Variants in NDUFB4 observed in about 807,000 individuals in gnomAD.
NDUFB4 encodes NADH:ubiquinone oxidoreductase subunit B4, also known as NADH dehydrogenase [ubiquinone] 1 beta subcomplex subunit 4.
In NDUFB4, 10 loss-of-function variants were observed where a neutral mutation model predicts 14.5. That is an observed-to-expected ratio of 0.69 (90% CI 0.43 to 1.17). The LOEUF is 1.17. Among genes scored for constraint, NDUFB4 ranks in the 50% most tolerant of loss-of-function variants. NDUFB4 has a pLI of 0.00. For missense variants in NDUFB4, 165 were observed against 161.1 expected, an observed-to-expected ratio of 1.02 and a Z score of -0.13; for synonymous variants, 65 against 63.4, an observed-to-expected ratio of 1.03 and a Z score of -0.12.
chr3:120,600,069 TCA>T (rs1940030974), intron 1 of NDUFB4, among the ~76,000 whole-genome samples: 1 of 146,824 alleles, frequency 6.8e-6, no homozygotes. Context: ...TTGAGGAATT[TCA>T]GTCTGATTAA....
chr3:120,597,633 T>C (rs917593323), intron 1 of NDUFB4, among the ~76,000 whole-genome samples: 1 of 152,244 alleles, frequency 6.6e-6, no homozygotes, highest in Non-Finnish European at 1.5e-5. Context: ...ATTTTACAGA[T>C]GAGAAGACAA....
chr3:120,600,029 C>CT lies in NDUFB4; in HGVS notation c.181-1079dup, dbSNP rs929363845. On this transcript the variant is annotated intron_variant, in intron 1 of 2. Coordinates refer to ENST00000184266, the MANE Select transcript of NDUFB4 (RefSeq NM_004547.6). The stretch of plus-strand genomic sequence containing the variant: ...TAGAACAGCAGAAGATATTTTGGGA[C>CT]TTTGTATCTAGTAGTGAGTGCTTAC... Among the ~76,000 whole-genome samples the CT allele has an allele frequency of 3.4e-4, 50 of 147,778 alleles. 1 individual carries two copies. The highest frequency in any genetic ancestry group is 1.2e-3 in the African/African-American group (49 of 40,420).
chr3:120,601,297 G>T, intron 2 of NDUFB4, 40 bp downstream of exon 2: 2 of 1,610,098 alleles, frequency 1.2e-6, no homozygotes, highest in South Asian at 2.2e-5. Context: ...TGAGTGATAG[G>T]TTCACTTTCT....
At chr3:120,598,319 G>C (rs113367574) in intron 1 of NDUFB4, among the ~76,000 whole-genome samples, 1,592 of 152,184 alleles carry the variant, frequency 0.01, 24 homozygotes, top group African/African-American at 0.037. Context: ...CTCTCAGAGT[G>C]CTGGGATTAC....
chr3:120,597,174 G>A (rs921768820), intron 1 of NDUFB4, among the ~76,000 whole-genome samples: 1 of 151,390 alleles, frequency 6.6e-6, no homozygotes. Context: ...CCTTCAACCT[G>A]CATCTTTTAA....
chr3:120,596,884 A>G (rs1260740091), intron 1 of NDUFB4, among the ~76,000 whole-genome samples: 1 of 151,276 alleles, frequency 6.6e-6, no homozygotes, highest in Non-Finnish European at 1.5e-5. Flanking sequence ...GAGATAGAGT[A>G]TGTGACTGTC....
At chr3:120,598,468 C>G (rs1165154475) in intron 1 of NDUFB4, among the ~76,000 whole-genome samples, 1 of 152,052 alleles carries the variant, frequency 6.6e-6, no homozygotes, top group Non-Finnish European at 1.5e-5. Flanking sequence ...GGCAAAAATT[C>G]CTGTCCTTGT....
Position 120,602,402 on chromosome 3 carries a change from A to G in NDUFB4, c.*132A>G. The G allele has an allele frequency of 6.2e-6, 5 of 804,158 alleles. No homozygotes were observed. Among genetic ancestry groups the G allele is most frequent in the Non-Finnish European group, 7.7e-6 (4 of 518,908 alleles). 49.8% of individuals were successfully genotyped at this position (804,158 alleles called of 1,614,324 possible). A position where few individuals can be genotyped will look rare whatever the true frequency, so the allele number is the denominator to read the frequency against. ...ATTAACACCCTAACAACACAGAAGC[A>G]GACGCAGCCCGTGTTGGGAATCTGC... is the stretch of plus-strand genomic sequence containing the variant. On this transcript the variant is annotated 3_prime_UTR_variant, in exon 3 of 3. Transcript: ENST00000184266.
At chr3:120,600,356 A>G (rs1055514630) in intron 1 of NDUFB4, among the ~76,000 whole-genome samples, 2 of 152,000 alleles carry the variant, frequency 1.3e-5, no homozygotes, top group African/African-American at 4.8e-5. Flanking sequence ...ATTTTGTAAA[A>G]TCACTTGGGC....
intron 1 of NDUFB4, 54 bp downstream of exon 1, chr3:120,596,593 A>C (rs1939960297): frequency 6.3e-7 from 1 of 1,574,876 alleles, no homozygotes; most frequent in Non-Finnish European, 8.7e-7. Flanking sequence ...GGAGAGACCG[A>C]GAGAGACCAC....
At position 120,596,390 on chromosome 3, in the gene NDUFB4, C is replaced by G; in HGVS notation, c.31C>G (p.Leu11Val). MSFPKYKPSS[L>V]RTLPETLDPA... The stretch of plus-strand genomic sequence containing the variant: ...GTTCCCAAAGTATAAGCCGTCGAGC[C>G]TGCGCACTCTGCCTGAGACCCTCGA... The change falls in exon 1 of 3, where the codon CTG becomes GTG. Residue 11 changes from leucine (L) to valine (V), a missense_variant. Coordinates refer to ENST00000184266, the MANE Select transcript of NDUFB4 (RefSeq NM_004547.6). 1 of 1,614,182 alleles carries G rather than the reference C, an allele frequency of 6.2e-7. No individual in the cohort carries two copies. The highest frequency in any genetic ancestry group is 1.1e-5 in the South Asian group (1 of 91,080).
intron 1 of NDUFB4, 38 bp from the exon 2 acceptor site, chr3:120,601,070 CCTT>C: frequency 1.3e-6 from 2 of 1,545,590 alleles, no homozygotes; most frequent in African/African-American, 1.4e-5. Flanking sequence ...TCAATGTGAT[CCTT>C]CTTAAGTTCT....
intron 2 of NDUFB4, chr3:120,601,997 G>T: frequency 7.6e-7 from 1 of 1,310,596 alleles, no homozygotes; most frequent in East Asian, 3.1e-5. Context: ...TGTGTCTTTA[G>T]TTCCTCGGAT....
chr3:120,598,306 C>T (rs985072793), intron 1 of NDUFB4, among the ~76,000 whole-genome samples: 15 of 152,068 alleles, frequency 9.9e-5, no homozygotes, highest in African/African-American at 3.4e-4. Context: ...CTCCTGTCTC[C>T]GCCTCTCAGA....
At chr3:120,601,455 T>C in intron 2 of NDUFB4, 198 bp downstream of exon 2, 1 of 1,412,798 alleles carries the variant, frequency 7.1e-7, no homozygotes, top group Non-Finnish European at 9.2e-7. Flanking sequence ...CACCTTTGTC[T>C]ATTTTTGTTA....
At position 120,602,282 on chromosome 3, in the gene NDUFB4, A is replaced by G. The variant is rs1226061728; in HGVS notation, c.*12A>G. 5 of 1,589,072 alleles carry G rather than the reference A, an allele frequency of 3.1e-6. No individual in the cohort carries two copies. In the African/African-American group the frequency reaches 4.1e-5, roughly 13 times the overall value. ...ACCTCTCATATTAAGTCTGGCAATGATGACTATATGTATTCCTGCCTAAAT... is the reference window on the plus strand; with the variant it reads ...ACCTCTCATATTAAGTCTGGCAATGGTGACTATATGTATTCCTGCCTAAAT... On this transcript the variant is annotated 3_prime_UTR_variant, in exon 3 of 3. Coordinates refer to ENST00000184266, the MANE Select transcript of NDUFB4 (RefSeq NM_004547.6).
intron 1 of NDUFB4, among the ~76,000 whole-genome samples, chr3:120,599,433 A>G (rs1185712925): frequency 6.6e-6 from 1 of 152,100 alleles, no homozygotes; most frequent in Non-Finnish European, 1.5e-5. Flanking sequence ...AGCGAGGTCC[A>G]ATATTAAGAG....
rs764693951 is a variant in NDUFB4, at chr3:120,596,411, C to G, written c.52C>G (p.Leu18Val). The change falls in exon 1 of 3, where the codon CTC (leucine) becomes GTC (valine). Residue 18 changes from leucine (L) to valine (V), a missense_variant. By Grantham distance (32) the Leu-to-Val change is conservative. Coordinates refer to ENST00000184266, the MANE Select transcript of NDUFB4 (RefSeq NM_004547.6). ...PSSLRTLPET[L>V]DPAEYNISPE... ...GAGCCTGCGCACTCTGCCTGAGACC[C>G]TCGACCCAGCCGAATACAACATATC... 6.2e-7 allele frequency: 1 copy of G among 1,614,192 alleles called. No homozygotes were observed. The highest frequency in any genetic ancestry group is 2.2e-5 in the East Asian group (1 of 44,876).
chr3:120,602,001 C>G (rs1940072002), intron 2 of NDUFB4: 1 of 1,307,610 alleles, frequency 7.6e-7, no homozygotes, highest in African/African-American at 1.5e-5. Flanking sequence ...TCTTTAGTTC[C>G]TCGGATTACT....
Sources: gnomAD v4.1 joint callset for allele counts (sites outside exome capture counted in the v4.1 genomes callset) on GRCh38, gnomAD v4.1.1 for gene constraint, MANE v1.5 for transcripts, NCBI Gene and HGNC (gene_info 2026-07-23, HGNC 2026-07-21) for gene names.